Variants in LUZP1 observed in about 807,000 individuals in gnomAD.
LUZP1 encodes the protein filamin mechanobinding actin cross-linking protein.
LUZP1 carries 25 observed loss-of-function variants against 71.3 expected under a neutral mutation model. The ratio of observed to expected loss-of-function variants is 0.35; its 90% confidence interval spans 0.26 to 0.49. LUZP1 has a LOEUF of 0.49. Ranked by LOEUF, LUZP1 falls within the 20% of genes least tolerant of loss-of-function variation. The pLI is 0.99. For synonymous variants in LUZP1, 481 were observed against 506.4 expected, an observed-to-expected ratio of 0.95 and a Z score of 0.67; for missense variants, 1,142 against 1,300.8, an observed-to-expected ratio of 0.88 and a Z score of 1.88.
intron 4 of LUZP1, among the ~76,000 whole-genome samples, chr1:23,089,383 G>A (rs992155746): frequency 6.6e-6 from 1 of 152,138 alleles, no homozygotes; most frequent in Non-Finnish European, 1.5e-5. Context: ...AGCAGTCTCC[G>A]AGTTCTGCAC....
intron 2 of LUZP1, among the ~76,000 whole-genome samples, chr1:23,141,580 C>A (rs565903786): frequency 6.6e-6 from 1 of 152,192 alleles, no homozygotes; most frequent in African/African-American, 2.4e-5. Context: ...GTGGGCACAG[C>A]GGTGCAGCCA....
At chr1:23,116,584 TAAAAA>T (rs71848574) in intron 2 of LUZP1, among the ~76,000 whole-genome samples, 1 of 132,852 alleles carries the variant, frequency 7.5e-6, no homozygotes, top group South Asian at 2.4e-4. Flanking sequence ...ACTGGACTGT[TAAAAA>T]AAAAAAAGGC....
intron 2 of LUZP1, among the ~76,000 whole-genome samples, chr1:23,143,991 C>A (rs1158831129): frequency 6.6e-6 from 1 of 152,190 alleles, no homozygotes; most frequent in East Asian, 1.9e-4. Context: ...TCAGTCTAAT[C>A]CAATATGCTT....
At chr1:23,138,697 G>GTGTGTA (rs1401882473) in intron 2 of LUZP1, among the ~76,000 whole-genome samples, 31 of 135,992 alleles carry the variant, frequency 2.3e-4, no homozygotes, top group East Asian at 4.2e-4. Context: ...GTGTGTGTGT[G>GTGTGTA]TATATATATA....
chr1:23,104,675 A>G (rs1332296011), intron 3 of LUZP1, among the ~76,000 whole-genome samples: 1 of 152,240 alleles, frequency 6.6e-6, no homozygotes, highest in African/African-American at 2.4e-5. Flanking sequence ...AGTCCTGGGC[A>G]CTGAATACAG....
At chr1:23,092,617 C>G (rs1319676228) in exon 4 of LUZP1, 1 of 1,614,204 alleles carries the variant, frequency 6.2e-7, no homozygotes, top group South Asian at 1.1e-5. Context: ...ACTTGACTTC[C>G]GTTGCCAAGC....
At chr1:23,157,843 C>CA (rs200283716) in intron 2 of LUZP1, among the ~76,000 whole-genome samples, 25,017 of 128,600 alleles carry the variant, frequency 0.19, 2,148 homozygotes, top group East Asian at 0.28. Flanking sequence ...CTTGCCCCTA[C>CA]CAAAAAAAAA....
At chr1:23,132,639 A>G (rs1260124696) in intron 2 of LUZP1, among the ~76,000 whole-genome samples, 1 of 152,122 alleles carries the variant, frequency 6.6e-6, no homozygotes, top group African/African-American at 2.4e-5. Context: ...GATTATCCTT[A>G]TTATTTAGGG....
At chr1:23,098,747 C>A (rs181447658) in intron 3 of LUZP1, among the ~76,000 whole-genome samples, 2 of 152,248 alleles carry the variant, frequency 1.3e-5, no homozygotes, top group Admixed American at 6.5e-5. Flanking sequence ...AGAAAAACAG[C>A]CACCACTGGA....
At chr1:23,115,484 C>T (rs1644070387) in intron 2 of LUZP1, among the ~76,000 whole-genome samples, 1 of 152,090 alleles carries the variant, frequency 6.6e-6, no homozygotes, top group Non-Finnish European at 1.5e-5. Flanking sequence ...ATTGATAAAA[C>T]TAGGTTGAGA....
At chr1:23,151,887 A>C (rs1644387560) in intron 2 of LUZP1, among the ~76,000 whole-genome samples, 2 of 151,932 alleles carry the variant, frequency 1.3e-5, no homozygotes. Flanking sequence ...CTGTAGTCCC[A>C]GCTGCTCGGG....
intron 2 of LUZP1, among the ~76,000 whole-genome samples, chr1:23,153,425 GA>G (rs1644398615): frequency 6.6e-6 from 1 of 152,042 alleles, no homozygotes; most frequent in Non-Finnish European, 1.5e-5. Flanking sequence ...ATCCACCACT[GA>G]AAAACTCTAG....
chr1:23,113,094 A>C (rs1046793439), intron 2 of LUZP1, among the ~76,000 whole-genome samples: 3 of 152,262 alleles, frequency 2.0e-5, no homozygotes, highest in Non-Finnish European at 4.4e-5. Context: ...CAAATTACAT[A>C]AAGAACTAGA....
exon 5 of LUZP1, chr1:23,088,685 G>C: frequency 1.8e-6 from 1 of 551,116 alleles, no homozygotes; most frequent in Non-Finnish European, 3.2e-6. Context: ...CATTGGGGAA[G>C]GTTGGGCCTG....
chr1:23,144,732 G>T (rs1239802305), intron 2 of LUZP1, among the ~76,000 whole-genome samples: 2 of 152,164 alleles, frequency 1.3e-5, no homozygotes, highest in East Asian at 3.8e-4. Flanking sequence ...AGCCAGCAAT[G>T]ATCTCTTCTC....
chr1:23,102,495 T>C (rs922740811), intron 3 of LUZP1, among the ~76,000 whole-genome samples: 3 of 152,216 alleles, frequency 2.0e-5, no homozygotes, highest in Non-Finnish European at 4.4e-5. Context: ...AGTTTGATAG[T>C]ATACACATAA....
chr1:23,092,463 G>C, exon 4 of LUZP1: 1 of 1,614,208 alleles, frequency 6.2e-7, no homozygotes, highest in Non-Finnish European at 8.5e-7. Flanking sequence ...CGATAGAACA[G>C]GAGCCTTGGA....
intron 2 of LUZP1, among the ~76,000 whole-genome samples, chr1:23,149,666 C>T (rs1446763788): frequency 6.6e-6 from 1 of 151,958 alleles, no homozygotes; most frequent in Non-Finnish European, 1.5e-5. Flanking sequence ...TACAAAATGC[C>T]ATTTTAAAAA....
intron 2 of LUZP1, among the ~76,000 whole-genome samples, chr1:23,152,256 G>A (rs1032081707): frequency 2.6e-5 from 4 of 152,060 alleles, no homozygotes; most frequent in African/African-American, 4.8e-5. Flanking sequence ...ATTAAGGTAC[G>A]ATTTTCATAA....
Sources: gnomAD v4.1 joint callset for allele counts (sites outside exome capture counted in the v4.1 genomes callset) on GRCh38, gnomAD v4.1.1 for gene constraint, MANE v1.5 for transcripts, NCBI Gene and HGNC (gene_info 2026-07-23, HGNC 2026-07-21) for gene names.